PRMT8: variants seen among roughly 807,000 people sequenced by gnomAD.
PRMT8 encodes protein arginine N-methyltransferase 8.
In PRMT8, 7 loss-of-function variants were observed where a neutral mutation model predicts 47.1. The ratio of observed to expected loss-of-function variants is 0.15; its 90% CI spans 0.08 to 0.28. The LOEUF is 0.28. PRMT8 is among the 10% of genes least tolerant of loss of function. The pLI, the probability that PRMT8 is intolerant of heterozygous loss-of-function variation, is 1.00. For synonymous variants in PRMT8, 188 were observed against 186.5 expected, an observed-to-expected ratio of 1.01 and a Z score of -0.07; for missense variants, 237 against 505.4, an observed-to-expected ratio of 0.47 and a Z score of 5.09.
intron 1 of PRMT8, among the ~76,000 whole-genome samples, chr12:3,522,621 C>T (rs1366866958): frequency 6.8e-6 from 1 of 148,070 alleles, no homozygotes; most frequent in Non-Finnish European, 1.5e-5. Flanking sequence ...AGAGATTGCA[C>T]CACTGCACTC....
upstream of PRMT8, among the ~76,000 whole-genome samples, chr12:3,488,111 GT>G (rs1413227743): frequency 1.3e-5 from 2 of 152,186 alleles, no homozygotes; most frequent in East Asian, 3.9e-4. Flanking sequence ...AATTCCTTGT[GT>G]TTTTGTTTTC....
chr12:3,483,682 G>A (rs1865296278), intron 1 of PRMT8, among the ~76,000 whole-genome samples: 2 of 152,284 alleles, frequency 1.3e-5, no homozygotes, highest in East Asian at 1.9e-4. Context: ...TGAGCAGCCC[G>A]TTAATTTGAA....
At chr12:3,419,633 C>G (rs1364003876) in intron 1 of PRMT8, among the ~76,000 whole-genome samples, 1 of 152,146 alleles carries the variant, frequency 6.6e-6, no homozygotes, top group African/African-American at 2.4e-5. Flanking sequence ...ATCCCCGCTA[C>G]CACTCTCTGT....
At chr12:3,560,027 G>T (rs1195236441) in intron 4 of PRMT8, among the ~76,000 whole-genome samples, 1 of 152,166 alleles carries the variant, frequency 6.6e-6, no homozygotes, top group Non-Finnish European at 1.5e-5. Context: ...CTGTTCCAGG[G>T]AGGAGGGACC....
At chr12:3,555,387 C>T (rs1866507488) in intron 4 of PRMT8, among the ~76,000 whole-genome samples, 1 of 152,162 alleles carries the variant, frequency 6.6e-6, no homozygotes, top group Non-Finnish European at 1.5e-5. Flanking sequence ...AAGAGCATCT[C>T]AGACAGAAGT....
At position 3,564,802 on chromosome 12, in the gene PRMT8, C is replaced by T. The variant is rs1866691876; in HGVS notation, c.482-3904C>T. Among the ~76,000 whole-genome samples, 1 of 152,248 alleles carries T rather than the reference C, an allele frequency of 6.6e-6. No individual in the cohort carries two copies. Among genetic ancestry groups the T allele is most frequent in the South Asian group, 2.1e-4 (1 of 4,834 alleles). ...AATAGCTTAGACCCCCTTGAAAATC[C>T]TTTGCATGGAGGAGAAGGGAAGACT... On this transcript the variant is annotated intron_variant, in intron 4 of 9. Transcript: ENST00000382622. The surrounding 1 kb of genome is among the most constrained non-coding windows in gnomAD (Gnocchi z 4.0).
intron 1 of PRMT8, among the ~76,000 whole-genome samples, chr12:3,460,372 T>C (rs984521643): frequency 2.6e-5 from 4 of 152,234 alleles, no homozygotes; most frequent in African/African-American, 9.6e-5. Flanking sequence ...TGTGAGATCA[T>C]GGACATCACC....
chr12:3,541,739 T>C (rs1180945372), intron 2 of PRMT8, among the ~76,000 whole-genome samples: 1 of 152,228 alleles, frequency 6.6e-6, no homozygotes, highest in Non-Finnish European at 1.5e-5. Flanking sequence ...TTAGTAATAA[T>C]AGCCAGCTCT....
chr12:3,397,285 C>A (rs1591537853), intron 1 of PRMT8, among the ~76,000 whole-genome samples: 1 of 151,884 alleles, frequency 6.6e-6, no homozygotes, highest in Non-Finnish European at 1.5e-5. Context: ...AGGAGAGGTG[C>A]TCTGCGTTTT....
rs1866156376 is a variant in PRMT8, at chr12:3,538,284, T to C, written c.76-2322T>C. 2.3e-5 allele frequency: 4 copies of C among 174,252 alleles called. No homozygotes were observed. The highest frequency in any genetic ancestry group is 9.5e-5 in the African/African-American group (4 of 42,320). The allele number at this position is 174,252 out of a possible 1,614,324, so 10.8% of individuals were successfully genotyped here. On this transcript the variant is annotated intron_variant, in intron 1 of 9. Coordinates refer to ENST00000382622, the MANE Select transcript of PRMT8 (RefSeq NM_019854.5). This position sits in a 1 kb window ranked among gnomAD's most constrained non-coding sequence, Gnocchi z 4.6. ...TTGTAGAACAAACCTTATTCCAGCATCTATCAGAGACAATAAGGGTCTTAG... is the reference window on the plus strand; with the variant it reads ...TTGTAGAACAAACCTTATTCCAGCACCTATCAGAGACAATAAGGGTCTTAG...
At chr12:3,471,995 C>T (rs567425725) in intron 1 of PRMT8, among the ~76,000 whole-genome samples, 1 of 152,078 alleles carries the variant, frequency 6.6e-6, no homozygotes, top group East Asian at 1.9e-4. Flanking sequence ...TTTGTCCCAG[C>T]AACAGAAGTC....
intron 1 of PRMT8, among the ~76,000 whole-genome samples, chr12:3,441,291 T>C (rs1864799100): frequency 6.6e-6 from 1 of 152,246 alleles, no homozygotes; most frequent in South Asian, 2.1e-4. Flanking sequence ...TGTTTCATAA[T>C]GAATGTATTA....
At chr12:3,582,186 C>T (rs566201876) in intron 7 of PRMT8, among the ~76,000 whole-genome samples, 10 of 152,308 alleles carry the variant, frequency 6.6e-5, no homozygotes, top group Middle Eastern at 3.4e-3. Context: ...CCCTGCCTCA[C>T]GGGGCCAGCA....
At chr12:3,585,649 G>A (rs1169433739) in intron 8 of PRMT8, among the ~76,000 whole-genome samples, 1 of 151,516 alleles carries the variant, frequency 6.6e-6, no homozygotes, top group Non-Finnish European at 1.5e-5. Flanking sequence ...TTCATAGAAA[G>A]GCTTTTCCCA....
intron 4 of PRMT8, among the ~76,000 whole-genome samples, chr12:3,556,455 G>A (rs1404190424): frequency 6.6e-6 from 1 of 152,042 alleles, no homozygotes; most frequent in Middle Eastern, 3.2e-3. Flanking sequence ...GAATGTGGAG[G>A]GATCTGGTCC....
In PRMT8 at chr12:3,549,926, T is replaced by C. The variant is rs367731662; in HGVS notation, c.262-10T>C. 188 of 1,612,554 alleles carry C rather than the reference T, an allele frequency of 1.2e-4. No homozygotes were observed. Among genetic ancestry groups the C allele is most frequent in the Non-Finnish European group, 1.4e-4 (168 of 1,178,810 alleles). On this transcript the variant is annotated splice_polypyrimidine_tract_variant and intron_variant, in intron 2 of 9. Coordinates refer to ENST00000382622, the MANE Select transcript of PRMT8 (RefSeq NM_019854.5). ...TCACTGACATTTCCTTTCTTTTCCC[T>C]CCATCACAGGAAATGCTGAAGGATG...
Position 3,535,553 on chromosome 12 carries a change from G to A in PRMT8, c.76-5053G>A, listed in dbSNP as rs889135044. 6.6e-6 allele frequency among the ~76,000 whole-genome samples: 1 copy of A among 152,174 alleles called. No individual in the cohort carries two copies. Among genetic ancestry groups the A allele is most frequent in the African/African-American group, 2.4e-5 (1 of 41,446 alleles). Reference sequence around the variant, plus strand: ...GGAGGTGGGGAAAGAGCAAGGCAGGGTGCTTTCTCTGCCCTGGGGCCCAAG... The same window carrying A: ...GGAGGTGGGGAAAGAGCAAGGCAGGATGCTTTCTCTGCCCTGGGGCCCAAG... On this transcript the variant is annotated intron_variant, in intron 1 of 9. Coordinates refer to ENST00000382622, the MANE Select transcript of PRMT8 (RefSeq NM_019854.5). This position sits in a 1 kb window ranked among gnomAD's most constrained non-coding sequence, Gnocchi z 4.7.
intron 1 of PRMT8, among the ~76,000 whole-genome samples, chr12:3,416,173 C>T (rs1455772882): frequency 1.3e-5 from 2 of 152,220 alleles, no homozygotes; most frequent in East Asian, 1.9e-4. Flanking sequence ...CCTGTAACCC[C>T]CTACAACTCT....
chr12:3,509,308 G>A (rs1360453700), intron 1 of PRMT8, among the ~76,000 whole-genome samples: 1 of 151,936 alleles, frequency 6.6e-6, no homozygotes, highest in Non-Finnish European at 1.5e-5. Context: ...TCCCTTCCTC[G>A]ACTCGTTGCT....
Sources: allele counts gnomAD v4.1 joint callset (sites outside exome capture counted in the v4.1 genomes callset), GRCh38; gene constraint gnomAD v4.1.1; non-coding constraint Gnocchi (gnomAD v3.1); transcripts MANE v1.5; gene names NCBI Gene and HGNC (gene_info 2026-07-23, HGNC 2026-07-21).